The following MB21D2 variants were observed in gnomAD, a reference collection of about 807,000 sequenced individuals.
MB21D2 encodes the protein Mab-21 domain containing 2, also known as nucleotidyltransferase MB21D2.
Under a neutral mutation model 33.3 loss-of-function variants are expected in MB21D2, and 9 were observed. The ratio of observed to expected loss-of-function variants is 0.27; its 90% CI spans 0.16 to 0.47. MB21D2 has a LOEUF of 0.47. MB21D2 is among the 20% of genes least tolerant of loss of function. The probability of loss-of-function intolerance (pLI) is 0.99; values close to 1 mark genes in which losing one functional copy is unlikely to be tolerated. For synonymous variants in MB21D2, 241 were observed against 236.3 expected (o/e 1.02, Z -0.18); for missense variants, 540 against 624.6 (o/e 0.86, Z 1.44).
chr3:192,850,859 T>G (rs1712787308), intron 1 of MB21D2, among the ~76,000 whole-genome samples: 1 of 152,230 alleles, frequency 6.6e-6, no homozygotes, highest in Admixed American at 6.5e-5. Context: ...AAGACCTTTG[T>G]AACTTCCTCC....
chr3:192,848,430 GATAAA>G (rs1490048760), intron 1 of MB21D2, among the ~76,000 whole-genome samples: 1 of 152,300 alleles, frequency 6.6e-6, no homozygotes, highest in South Asian at 2.1e-4. Flanking sequence ...AATCAAGCCA[GATAAA>G]ATAAAAGACA....
rs1248752746 is a variant in MB21D2 at position 192,798,999 on chromosome 3, C to T, written c.863G>A (p.Arg288Gln). The T allele has an allele frequency of 3.1e-6, 5 of 1,614,070 alleles. No individual in the cohort carries two copies. Among genetic ancestry groups the T allele is most frequent in the Admixed American group, 1.7e-5 (1 of 60,016 alleles). The change falls in exon 2 of 2, where the codon CGG (arginine) becomes CAG (glutamine). Residue 288 changes from arginine to glutamine, a missense_variant. Arg to Gln is a conservative substitution (Grantham distance 43). Coordinates refer to ENST00000392452, the MANE Select transcript of MB21D2 (RefSeq NM_178496.4). This position sits in a 1 kb window ranked among gnomAD's most constrained non-coding sequence, Gnocchi z 4.8. ...CACCTCGCTCCTGGCAAAGGACAGC[C>T]GCCATTCATTGTCCTTCTTACCCTT... Reference protein sequence around the residue: ...SYKGKKDNEWRLSFARSEVQL... With the variant: ...SYKGKKDNEWQLSFARSEVQL...
At position 192,917,855 on chromosome 3, in the gene MB21D2, G is replaced by C. The variant is rs758459540; in HGVS notation, c.-15C>G. 6.2e-7 allele frequency: 1 copy of C among 1,603,234 alleles called. No homozygotes were observed. Among genetic ancestry groups the C allele is most frequent in the Non-Finnish European group, 8.5e-7 (1 of 1,174,614 alleles). ...GCCATCTTCATGCAAAACGCGCCGA[G>C]TAGCAGCTCCGCGGCAGCGCGGCAC... is the stretch of plus-strand genomic sequence containing the variant. On this transcript the variant is annotated 5_prime_UTR_variant, in exon 1 of 2. Transcript: ENST00000392452.
At chr3:192,915,512 G>A (rs1714443038) in intron 1 of MB21D2, among the ~76,000 whole-genome samples, 1 of 152,100 alleles carries the variant, frequency 6.6e-6, no homozygotes, top group African/African-American at 2.4e-5. Context: ...AGTGTCCAGA[G>A]GGGCAAAAGG....
intron 1 of MB21D2, among the ~76,000 whole-genome samples, chr3:192,818,907 A>G (rs932455336): frequency 6.6e-6 from 1 of 152,188 alleles, no homozygotes; most frequent in African/African-American, 2.4e-5. Flanking sequence ...ATGAATGATG[A>G]CAAGGTCCCT....
At chr3:192,917,600 C>G in intron 1 of MB21D2, 30 bp downstream of exon 1, 1 of 1,609,114 alleles carries the variant, frequency 6.2e-7, no homozygotes, top group African/African-American at 1.3e-5. Flanking sequence ...CACACACACG[C>G]ACACACACCT....
chr3:192,882,878 G>A (rs1449402895), intron 1 of MB21D2, among the ~76,000 whole-genome samples: 1 of 151,944 alleles, frequency 6.6e-6, no homozygotes. Context: ...GGGACTACAG[G>A]TGCCCACCAC....
At chr3:192,835,999 C>T (rs958070171) in intron 1 of MB21D2, among the ~76,000 whole-genome samples, 1 of 152,134 alleles carries the variant, frequency 6.6e-6, no homozygotes, top group Non-Finnish European at 1.5e-5. Context: ...CTGGGTGTCT[C>T]TGAGGTGTTG....
At chr3:192,862,347 A>C (rs1047238321) in intron 1 of MB21D2, among the ~76,000 whole-genome samples, 1 of 152,212 alleles carries the variant, frequency 6.6e-6, no homozygotes, top group East Asian at 1.9e-4. Flanking sequence ...CTGAAACATA[A>C]GTAGGATTGT....
chr3:192,802,889 C>T (rs965201063), intron 1 of MB21D2, among the ~76,000 whole-genome samples: 6 of 152,148 alleles, frequency 3.9e-5, no homozygotes, highest in Non-Finnish European at 5.9e-5. Flanking sequence ...AGATCTGAAT[C>T]TATTAAAGTG....
chr3:192,870,471 G>A (rs1013001475), intron 1 of MB21D2, among the ~76,000 whole-genome samples: 3 of 151,860 alleles, frequency 2.0e-5, no homozygotes, highest in Non-Finnish European at 2.9e-5. Flanking sequence ...TGGGTGGATC[G>A]CTTGAGGTCA....
intron 1 of MB21D2, among the ~76,000 whole-genome samples, chr3:192,880,746 T>A (rs1713542365): frequency 6.6e-6 from 1 of 152,150 alleles, no homozygotes. Context: ...AGTTAGCACA[T>A]CCACCTGTTC....
intron 1 of MB21D2, among the ~76,000 whole-genome samples, chr3:192,814,344 C>T (rs368789600): frequency 1.5e-4 from 23 of 152,084 alleles, no homozygotes; most frequent in African/African-American, 5.3e-4. Context: ...TAATAAAGAG[C>T]TGAATCTGCT....
intron 1 of MB21D2, among the ~76,000 whole-genome samples, chr3:192,843,438 A>G (rs537290936): frequency 6.6e-6 from 1 of 152,278 alleles, no homozygotes; most frequent in South Asian, 2.1e-4. Context: ...ATCACAGCGT[A>G]GAGGCCAGTC....
chr3:192,821,926 C>T (rs1033372253), intron 1 of MB21D2, among the ~76,000 whole-genome samples: 7 of 152,152 alleles, frequency 4.6e-5, no homozygotes, highest in Middle Eastern at 3.2e-3. Context: ...TTTCCCTCCC[C>T]TCCTATACAG....
intron 1 of MB21D2, among the ~76,000 whole-genome samples, chr3:192,810,258 T>C (rs934153942): frequency 4.6e-5 from 7 of 152,288 alleles, no homozygotes; most frequent in African/African-American, 7.2e-5. Context: ...TCCATCAAAC[T>C]GTGATAAGAG....
At chr3:192,862,865 G>C (rs1713080066) in intron 1 of MB21D2, among the ~76,000 whole-genome samples, 1 of 152,190 alleles carries the variant, frequency 6.6e-6, no homozygotes, top group Admixed American at 6.5e-5. Flanking sequence ...CAAGGCACTG[G>C]CAGATTCCGT....
intron 1 of MB21D2, among the ~76,000 whole-genome samples, chr3:192,814,863 C>T (rs6805180): frequency 5.1e-4 from 46 of 89,766 alleles, no homozygotes; most frequent in African/African-American, 2.8e-3. Context: ...AGACTCCATC[C>T]CAAAAAAAAA....
At chr3:192,901,366 A>G (rs7643158) in intron 1 of MB21D2, among the ~76,000 whole-genome samples, 76,586 of 146,220 alleles carry the variant, frequency 0.52, 20,338 homozygotes, top group Non-Finnish European at 0.54. Flanking sequence ...TCAGGAGATC[A>G]AGACCATCCT....
Sources: gnomAD v4.1 joint callset for allele counts (sites outside exome capture counted in the v4.1 genomes callset) on GRCh38, gnomAD v4.1.1 for gene constraint, Gnocchi (gnomAD v3.1) non-coding constraint, MANE v1.5 for transcripts, NCBI Gene and HGNC (gene_info 2026-07-23, HGNC 2026-07-21) for gene names.